The following PTPRD variants were observed in gnomAD, a reference collection of about 807,000 sequenced individuals.
The protein encoded by PTPRD is receptor-type tyrosine-protein phosphatase delta.
PTPRD carries 34 observed loss-of-function variants against 214.5 expected under a neutral mutation model. The observed-to-expected ratio is 0.16, with a 90% CI of 0.12 to 0.21. The LOEUF (loss-of-function observed/expected upper bound fraction) is 0.21, where lower values mean the gene tolerates loss of function less well. PTPRD is among the 10% of genes least tolerant of loss of function. The probability of loss-of-function intolerance (pLI) is 1.00; values close to 1 mark genes in which losing one functional copy is unlikely to be tolerated. For missense variants in PTPRD, 2,545 were observed against 2,398.7 expected, an observed-to-expected ratio of 1.06 and a Z score of -1.27; for synonymous variants, 1,128 against 845.7, an observed-to-expected ratio of 1.33 and a Z score of -5.79.
At chr9:9,515,261 T>C (rs1276079591) in intron 8 of PTPRD, among the ~76,000 whole-genome samples, 1 of 152,168 alleles carries the variant, frequency 6.6e-6, no homozygotes, top group Non-Finnish European at 1.5e-5. Context: ...ATTGCTTGCC[T>C]ACTCTGTTTT....
chr9:8,501,217 T>G (rs2097398403), intron 23 of PTPRD, among the ~76,000 whole-genome samples, 158 bp from the exon 24 acceptor site: 1 of 152,168 alleles, frequency 6.6e-6, no homozygotes, highest in Non-Finnish European at 1.5e-5. Context: ...TGACAAATTA[T>G]GTACCTTGGC....
intron 35 of PTPRD, among the ~76,000 whole-genome samples, chr9:8,411,354 AGTGCAATGGC>A: frequency 6.6e-6 from 1 of 152,120 alleles, no homozygotes; most frequent in South Asian, 2.1e-4. Context: ...TCCAGGCTGA[AGTGCAATGGC>A]GTGATCTTGG....
intron 21 of PTPRD, among the ~76,000 whole-genome samples, chr9:8,515,740 A>C (rs1363268102): frequency 6.6e-6 from 1 of 152,156 alleles, no homozygotes; most frequent in Non-Finnish European, 1.5e-5. Context: ...TATTTCCCTC[A>C]CAGCCTTCAA....
chr9:10,085,681 T>A (rs1010927), intron 3 of PTPRD, among the ~76,000 whole-genome samples: 36,179 of 151,528 alleles, frequency 0.24, 4,694 homozygotes, highest in South Asian at 0.39. Flanking sequence ...CACACATTCA[T>A]AGACACATAC....
chr9:8,676,614 C>T lies in PTPRD; in HGVS notation c.65-39770G>A, dbSNP rs140362327. ...TTTTGATGGAGTTTCACTCTTGTTG[C>T]CCAGGCTGGAGTGCAATGGCGCGAT... On this transcript the variant is annotated intron_variant, in intron 12 of 45. Coordinates refer to ENST00000381196, the MANE Select transcript of PTPRD (RefSeq NM_002839.4). Among the ~76,000 whole-genome samples, 225 of 151,776 alleles carry T rather than the reference C, an allele frequency of 1.5e-3. 1 individual carries two copies. The highest frequency in any genetic ancestry group is 0.014 in the East Asian group (73 of 5,150).
chr9:9,323,136 G>A (rs1431273594), intron 9 of PTPRD, among the ~76,000 whole-genome samples: 2 of 151,920 alleles, frequency 1.3e-5, no homozygotes, highest in Non-Finnish European at 2.9e-5. Context: ...ATTTGTGAAG[G>A]TGCTATTGTA....
chr9:10,541,450 T>A (rs992385192), intron 2 of PTPRD, among the ~76,000 whole-genome samples: 1 of 152,112 alleles, frequency 6.6e-6, no homozygotes, highest in Non-Finnish European at 1.5e-5. Flanking sequence ...TTAAGGCAAA[T>A]GCATTTTCAA....
intron 16 of PTPRD, among the ~76,000 whole-genome samples, chr9:8,527,071 A>G (rs2074357249): frequency 6.6e-6 from 1 of 152,020 alleles, no homozygotes; most frequent in African/African-American, 2.4e-5. Flanking sequence ...AGGAAACACT[A>G]AAGACTAACT....
At chr9:10,366,002 T>A (rs1041341277) in intron 2 of PTPRD, among the ~76,000 whole-genome samples, 1 of 152,204 alleles carries the variant, frequency 6.6e-6, no homozygotes, top group African/African-American at 2.4e-5. Context: ...TGGTGTAGGC[T>A]GTTGACTGCC....
At chr9:10,453,424 A>G (rs1233864481) in intron 2 of PTPRD, among the ~76,000 whole-genome samples, 1 of 151,630 alleles carries the variant, frequency 6.6e-6, no homozygotes, top group Non-Finnish European at 1.5e-5. Context: ...AGCAATATTA[A>G]TTGTTCCAAT....
chr9:9,428,837 G>C (rs1418836295), intron 8 of PTPRD, among the ~76,000 whole-genome samples: 3 of 152,148 alleles, frequency 2.0e-5, no homozygotes, highest in Non-Finnish European at 2.9e-5. Context: ...CAGAAATAAA[G>C]ATGTTCTTTG....
intron 5 of PTPRD, among the ~76,000 whole-genome samples, chr9:9,779,730 G>C (rs538514210): frequency 1.3e-5 from 2 of 152,244 alleles, no homozygotes; most frequent in African/African-American, 2.4e-5. Context: ...ATGGAGAAAA[G>C]GGAGCACCAA....
intron 11 of PTPRD, among the ~76,000 whole-genome samples, chr9:8,801,225 T>C (rs12555236): frequency 0.097 from 14,702 of 152,234 alleles, 769 homozygotes; most frequent in Admixed American, 0.15. Flanking sequence ...GCAGTTTTTA[T>C]TGACTCACAT....
chr9:9,916,807 C>G (rs1380289414), intron 5 of PTPRD, among the ~76,000 whole-genome samples: 3 of 151,882 alleles, frequency 2.0e-5, no homozygotes, highest in Non-Finnish European at 4.4e-5. Flanking sequence ...GGAACATTCT[C>G]CAGGATTGAC....
At chr9:9,344,799 T>C (rs1289888781) in intron 9 of PTPRD, among the ~76,000 whole-genome samples, 6 of 152,184 alleles carry the variant, frequency 3.9e-5, no homozygotes, top group South Asian at 2.1e-4. Context: ...AAAAAACTTC[T>C]AATGAGAAAA....
rs532812568 is a variant in PTPRD, at chr9:10,057,571, T to C, written c.-544-23781A>G. On this transcript the variant is annotated intron_variant, in intron 3 of 45. Coordinates refer to ENST00000381196, the MANE Select transcript of PTPRD (RefSeq NM_002839.4). The stretch of plus-strand genomic sequence containing the variant: ...AATATCAGTAAGATTAAAAGGTAAG[T>C]AGTGTGGCTCACGCCTGTAATCCCA... Among the ~76,000 whole-genome samples, 4 of 152,172 alleles carry C rather than the reference T, an allele frequency of 2.6e-5. No individual in the cohort carries two copies. In the South Asian group the frequency reaches 8.3e-4, roughly 32 times the overall value.
intron 9 of PTPRD, among the ~76,000 whole-genome samples, chr9:9,237,376 G>T (rs974319042): frequency 6.6e-6 from 1 of 152,122 alleles, no homozygotes; most frequent in Non-Finnish European, 1.5e-5. Context: ...GCTGCAGTTA[G>T]CTATGATCAT....
chr9:8,498,937 A>G (rs145460555), intron 25 of PTPRD, among the ~76,000 whole-genome samples: 8 of 152,290 alleles, frequency 5.3e-5, no homozygotes, highest in African/African-American at 1.4e-4. Context: ...TAAACAACTA[A>G]TTATAAAACC....
In PTPRD at chr9:9,698,362, A is replaced by G. The variant is rs553626336; in HGVS notation, c.-287+36171T>C. Among the ~76,000 whole-genome samples the G allele has an allele frequency of 2.4e-3, 360 of 152,280 alleles. 2 individuals carry two copies. The highest frequency in any genetic ancestry group is 8.0e-3 in the African/African-American group (331 of 41,558). ...AAGTTACTTTCTCCTTTTTAGCACT[A>G]AAGAGTGCCTTAAGCCCGGGTTTGT... On this transcript the variant is annotated intron_variant, in intron 7 of 45. Transcript: ENST00000381196.
Sources: allele counts gnomAD v4.1 joint callset (sites outside exome capture counted in the v4.1 genomes callset), GRCh38; gene constraint gnomAD v4.1.1; transcripts MANE v1.5; gene names NCBI Gene and HGNC (gene_info 2026-07-23, HGNC 2026-07-21).